The following ZNF461 variants were observed in gnomAD, a reference collection of about 807,000 sequenced individuals.
ZNF461 encodes gonadotropin-inducible ovarian transcription factor-1.
ZNF461 carries 16 observed loss-of-function variants against 18.3 expected under a neutral mutation model. That is an observed-to-expected ratio of 0.88 (90% CI 0.59 to 1.33). The LOEUF (loss-of-function observed/expected upper bound fraction) is 1.33. Ranked by LOEUF, ZNF461 falls within the 40% of genes most tolerant of loss-of-function variation. ZNF461 has a pLI of 0.00. For missense variants in ZNF461, 595 were observed against 669.9 expected (o/e 0.89, Z 1.23); for synonymous variants, 179 against 216.9 (o/e 0.83, Z 1.54).
chr19:36,643,918 A>G (rs1277856753), intron 4 of ZNF461, 56 bp from the exon 5 acceptor site: 1 of 1,301,756 alleles, frequency 7.7e-7, no homozygotes, highest in South Asian at 1.6e-5. Flanking sequence ...TTATTATACA[A>G]TAAAAAGAGA....
rs990937640 is a variant in ZNF461 at position 36,637,259 on chromosome 19, C to T, written c.*1394G>A. The T allele has an allele frequency of 2.0e-5, 3 of 151,584 alleles. No homozygotes were observed. The highest frequency in any genetic ancestry group is 2.0e-4 in the East Asian group (1 of 5,106). The allele number at this position is 151,584 out of a possible 1,614,324, so 9.4% of individuals were successfully genotyped here. ...TTGCCCACGCTGGAGTGCAGTGGCG[C>T]GATCTCAGCTTACTGCAAGATCCAT... On this transcript the variant is annotated 3_prime_UTR_variant, in exon 6 of 6. Coordinates refer to ENST00000588268, the MANE Select transcript of ZNF461 (RefSeq NM_153257.5).
At chr19:36,651,813 A>C (rs1469953771) in intron 4 of ZNF461, among the ~76,000 whole-genome samples, 1 of 152,236 alleles carries the variant, frequency 6.6e-6, no homozygotes, top group African/African-American at 2.4e-5. Context: ...TTTTTTGTAG[A>C]TACAGACAAG....
In ZNF461 at chr19:36,638,933, C is replaced by T; in HGVS notation, c.1412G>A (p.Cys471Tyr). 6.2e-7 allele frequency: 1 copy of T among 1,607,522 alleles called. No individual in the cohort carries two copies. Among genetic ancestry groups the T allele is most frequent in the South Asian group, 1.1e-5 (1 of 90,862 alleles). Residue 471 changes from cysteine (C) to tyrosine (Y), a missense_variant, in exon 6 of 6, where the codon TGC (cysteine) becomes TAC (tyrosine). Transcript: ENST00000588268. ...RIHTGEKPHE[C>Y]MICGKAFRLH... The stretch of plus-strand genomic sequence containing the variant: ...TCTAAAGGCCTTACCACATATCATG[C>T]ATTCATGAGGTTTCTCACCAGTATG...
At chr19:36,649,305 C>G (rs1037293122) in intron 4 of ZNF461, among the ~76,000 whole-genome samples, 2 of 150,842 alleles carry the variant, frequency 1.3e-5, no homozygotes, top group African/African-American at 2.4e-5. Context: ...ATTTTAAATT[C>G]TCTTGAAACA....
At chr19:36,644,037 A>T (rs1164497057) in intron 4 of ZNF461, among the ~76,000 whole-genome samples, 175 bp from the exon 5 acceptor site, 2 of 152,108 alleles carry the variant, frequency 1.3e-5, no homozygotes, top group Non-Finnish European at 2.9e-5. Flanking sequence ...GGTTCAAGCG[A>T]TTCTCCTGCT....
intron 3 of ZNF461, chr19:36,658,019 G>A (rs1301602264): frequency 1.9e-5 from 7 of 373,274 alleles, no homozygotes; most frequent in African/African-American, 8.3e-5. Flanking sequence ...TTCTTTGACA[G>A]TGTTATGCTT....
intron 4 of ZNF461, among the ~76,000 whole-genome samples, chr19:36,648,035 G>T (rs1438877149): frequency 6.6e-6 from 1 of 152,074 alleles, no homozygotes; most frequent in Non-Finnish European, 1.5e-5. Flanking sequence ...TACAAAATTA[G>T]CTGGGTGTGG....
intron 4 of ZNF461, among the ~76,000 whole-genome samples, chr19:36,646,646 C>G (rs2037533487): frequency 6.6e-6 from 1 of 152,070 alleles, no homozygotes; most frequent in Non-Finnish European, 1.5e-5. Context: ...ACAGGTACCA[C>G]AGATAAGAGA....
At chr19:36,663,484 T>C (rs1276192415) in intron 2 of ZNF461, among the ~76,000 whole-genome samples, 1 of 152,058 alleles carries the variant, frequency 6.6e-6, no homozygotes, top group Non-Finnish European at 1.5e-5. Context: ...AAGGTATATA[T>C]GTTTGCTCTC....
Position 36,639,325 on chromosome 19 carries a change from A to G in ZNF461, c.1020T>C (p.Arg340=), listed in dbSNP as rs1274107214. The G allele has an allele frequency of 6.2e-7, 1 of 1,614,016 alleles. No individual in the cohort carries two copies. The highest frequency in any genetic ancestry group is 1.1e-5 in the South Asian group (1 of 91,064). Residue 340 remains arginine (R), a synonymous_variant, in exon 6 of 6, where the codon CGT becomes CGC. Transcript: ENST00000588268. ...ECKQCGKAFI[R]GFQLTEHLRL... ...GCAGGTGTTCAGTAAGTTGAAAGCCACGAATAAAAGCCTTCCCACATTGCT... is the reference window on the plus strand; with the variant it reads ...GCAGGTGTTCAGTAAGTTGAAAGCCGCGAATAAAAGCCTTCCCACATTGCT...
chr19:36,658,504 G>A, intron 2 of ZNF461, 79 bp from the exon 3 acceptor site: 1 of 1,399,384 alleles, frequency 7.1e-7, no homozygotes, highest in South Asian at 1.3e-5. Context: ...CTAAAAGAAG[G>A]TACTGCAAGG....
chr19:36,649,882 T>TA (rs2037596236), intron 4 of ZNF461, among the ~76,000 whole-genome samples: 1 of 152,002 alleles, frequency 6.6e-6, no homozygotes, highest in African/African-American at 2.4e-5. Context: ...TAAAAGTATT[T>TA]AAAAAATAAT....
Position 36,639,072 on chromosome 19 carries a change from C to T in ZNF461, c.1273G>A (p.Gly425Ser). The T allele has an allele frequency of 3.1e-6, 5 of 1,612,238 alleles. No individual in the cohort carries two copies. The highest frequency in any genetic ancestry group is 2.2e-5 in the South Asian group (2 of 91,010). The change falls in exon 6 of 6, where the codon GGC becomes AGC. Residue 425 changes from glycine to serine, a missense_variant. By Grantham distance (56) the Gly-to-Ser change is moderately conservative. Transcript: ENST00000588268. The part of the protein sequence containing the change: ...CHECGKAFCD[G>S]LQLTLHQRIH... ...CTCTGATGTAGGGTTAGTTGTAAGC[C>T]ATCACAAAAAGCCTTCCCACATTCA...
At chr19:36,656,574 T>A in intron 3 of ZNF461, 31 bp from the exon 4 acceptor site, 12 of 1,457,012 alleles carry the variant, frequency 8.2e-6, no homozygotes, top group Non-Finnish European at 1.2e-5. Flanking sequence ...TGAGATGAGA[T>A]GGAAATGAAT....
Position 36,641,735 on chromosome 19 carries a change from T to G in ZNF461, c.302-1692A>C, listed in dbSNP as rs138685104. Among the ~76,000 whole-genome samples, 16 of 152,004 alleles carry G rather than the reference T, an allele frequency of 1.1e-4. No individual in the cohort carries two copies. In the South Asian group the frequency reaches 1.2e-3, roughly 12 times the overall value. ...ATAACAATTGACAATCATAATCATT[T>G]AATGCCCTTAAATTTGTAATAACTA... is the stretch of plus-strand genomic sequence containing the variant. On this transcript the variant is annotated intron_variant, in intron 5 of 5. Coordinates refer to ENST00000588268, the MANE Select transcript of ZNF461 (RefSeq NM_153257.5).
chr19:36,640,974 CT>C (rs2037413702), intron 5 of ZNF461, among the ~76,000 whole-genome samples: 1 of 152,114 alleles, frequency 6.6e-6, no homozygotes, highest in Non-Finnish European at 1.5e-5. Context: ...AGTCCAATTC[CT>C]TTTTATTCAT....
chr19:36,654,895 A>G (rs1366267708), intron 4 of ZNF461, among the ~76,000 whole-genome samples: 2 of 152,184 alleles, frequency 1.3e-5, no homozygotes, highest in African/African-American at 4.8e-5. Flanking sequence ...TAGAACATCC[A>G]TCCATGTATT....
chr19:36,664,305 A>C (rs1049381917), intron 2 of ZNF461, among the ~76,000 whole-genome samples: 1 of 152,172 alleles, frequency 6.6e-6, no homozygotes, highest in Non-Finnish European at 1.5e-5. Context: ...TAAATAATGC[A>C]GGCCAGGCGC....
At chr19:36,656,602 T>C in intron 3 of ZNF461, 59 bp from the exon 4 acceptor site, 1 of 1,299,840 alleles carries the variant, frequency 7.7e-7, no homozygotes, top group Non-Finnish European at 1.1e-6. Flanking sequence ...AATACAGTGA[T>C]TTAGAACTGA....
Sources: gnomAD v4.1 joint callset for allele counts (sites outside exome capture counted in the v4.1 genomes callset) on GRCh38, gnomAD v4.1.1 for gene constraint, MANE v1.5 for transcripts, NCBI Gene and HGNC (gene_info 2026-07-23, HGNC 2026-07-21) for gene names.